ANK2: variants seen among roughly 807,000 people sequenced by gnomAD.
ANK2 encodes ankyrin 2.
ANK2 carries 83 observed loss-of-function variants against 360.5 expected under a neutral mutation model. The ratio of observed to expected loss-of-function variants is 0.23; its 90% confidence interval spans 0.19 to 0.28. The LOEUF (loss-of-function observed/expected upper bound fraction) is 0.28, where lower values mean the gene tolerates loss of function less well. ANK2 is among the 10% of genes least tolerant of loss of function. The pLI is 1.00. For missense variants in ANK2, 4,201 were observed against 4,795.7 expected (o/e 0.88, Z 3.66); for synonymous variants, 1,740 against 1,759.5 (o/e 0.99, Z 0.28).
chr4:113,069,061 AAGAAAAGAAAAGAAG>A (rs955305199), intron 1 of ANK2, among the ~76,000 whole-genome samples: 1 of 150,976 alleles, frequency 6.6e-6, no homozygotes, highest in African/African-American at 2.5e-5. Flanking sequence ...GTCTAATGAA[AAGAAAAGAAAAGAAG>A]AGAAAAGAAA....
chr4:112,890,723 A>C (rs2079782705), intron 1 of ANK2, among the ~76,000 whole-genome samples: 1 of 151,976 alleles, frequency 6.6e-6, no homozygotes, highest in African/African-American at 2.4e-5. Context: ...ATGTGCCACC[A>C]TGCCAGGCTA....
the ANK2 span, chr4:112,788,478 G>A: frequency 3.8e-6 from 6 of 1,597,342 alleles, no homozygotes; most frequent in South Asian, 5.6e-5. Context: ...CCTGCTCAAA[G>A]GACAGGTGGT....
At position 113,343,004 on chromosome 4, in the gene ANK2, T is replaced by C. The variant is rs759465783; in HGVS notation, c.4123-13T>C. 5.9e-5 allele frequency: 96 copies of C among 1,613,678 alleles called. No homozygotes were observed. In the Admixed American group the frequency reaches 1.5e-3, roughly 26 times the overall value. ...CAGCTACTTTATTGTTATTTCTCTC[T>C]GTTTTCACTCAGGTGTTAGAAGGAA... On this transcript the variant is annotated splice_polypyrimidine_tract_variant and intron_variant, in intron 33 of 45. Transcript: ENST00000357077.
chr4:112,957,797 AC>A (rs1369051816), intron 2 of ANK2, among the ~76,000 whole-genome samples: 6 of 149,036 alleles, frequency 4.0e-5, no homozygotes, highest in Non-Finnish European at 8.9e-5. Context: ...CACTTCTCAG[AC>A]GGGGCGGCTG....
rs1228751865 is a variant in ANK2 at position 112,955,261 on chromosome 4, AAAT to A, written c.21+50753_21+50755del. On this transcript the variant is annotated intron_variant, in intron 2 of 30. Transcript: ENST00000503271. The stretch of plus-strand genomic sequence containing the variant: ...ATTACTTTTATAATAAAAATATGAA[AAAT>A]AATAAGTGACATTGCAGACCAAAAA... Among the ~76,000 whole-genome samples the A allele has an allele frequency of 2.0e-5, 3 of 152,156 alleles. No individual in the cohort carries two copies. In the East Asian group the frequency reaches 5.8e-4, roughly 29 times the overall value.
At position 113,268,526 on chromosome 4, in the gene ANK2, T is replaced by C. The variant is rs1025891580; in HGVS notation, c.1485+3531T>C. On this transcript the variant is annotated intron_variant, in intron 14 of 45. Coordinates refer to ENST00000357077, the MANE Select transcript of ANK2 (RefSeq NM_001148.6). The stretch of plus-strand genomic sequence containing the variant: ...ATTATCGTGTAGTTTTTGTCATTGG[T>C]TCTGTTTATGTGATGGGTTACATTT... Among the ~76,000 whole-genome samples the C allele has an allele frequency of 6.6e-5, 10 of 151,288 alleles. No individual in the cohort carries two copies. In the South Asian group the frequency reaches 2.1e-3, roughly 31 times the overall value.
Position 113,049,759 on chromosome 4 carries a change from G to A in ANK2, c.31G>A (p.Asp11Asn). Residue 11 changes from aspartate (D) to asparagine (N), a missense_variant, in exon 1 of 46, where the codon GAC becomes AAC. Physicochemically the swap from Asp to Asn is conservative, Grantham distance 23. Coordinates refer to ENST00000357077, the MANE Select transcript of ANK2 (RefSeq NM_001148.6). MMNEDAAQKSDSGEKFNGSSQ... is the reference protein window; with the variant it reads MMNEDAAQKSNSGEKFNGSSQ... ...GAACGAAGATGCAGCTCAGAAAAGC[G>A]ACAGTGGAGAGAAGTTCAACGGCAG... is the stretch of plus-strand genomic sequence containing the variant. 2 of 1,613,758 alleles carry A rather than the reference G, an allele frequency of 1.2e-6. No homozygotes were observed. Among genetic ancestry groups the A allele is most frequent in the Non-Finnish European group, 1.7e-6 (2 of 1,179,804 alleles).
chr4:113,357,866 C>G lies in ANK2; in HGVS notation c.9248C>G (p.Thr3083Ser). 1 of 1,614,096 alleles carries G rather than the reference C, an allele frequency of 6.2e-7. No homozygotes were observed. Among genetic ancestry groups the G allele is most frequent in the South Asian group, 1.1e-5 (1 of 91,086 alleles). The change falls in exon 38 of 46, where the codon ACT becomes AGT. Residue 3083 changes from threonine to serine, a missense_variant. Thr to Ser is a moderately conservative substitution (Grantham distance 58). Coordinates refer to ENST00000357077, the MANE Select transcript of ANK2 (RefSeq NM_001148.6). ...RQSQGTTPDT[T>S]PARTPTEEGT... ...TCACAGGGTACCACCCCTGACACCA[C>G]TCCTGCTAGGACCCCAACTGAAGAG...
At chr4:113,370,578 T>G (rs113678698) in intron 43 of ANK2, among the ~76,000 whole-genome samples, 1,989 of 152,050 alleles carry the variant, frequency 0.013, 50 homozygotes, top group African/African-American at 0.046. Flanking sequence ...GCTAACATGG[T>G]GAAACCTCGT....
At chr4:113,154,453 C>G (rs2097205508) in intron 1 of ANK2, among the ~76,000 whole-genome samples, 1 of 152,110 alleles carries the variant, frequency 6.6e-6, no homozygotes, top group Non-Finnish European at 1.5e-5. Flanking sequence ...CTGATCCTTC[C>G]TTGGAATTGA....
At chr4:113,320,779 T>G (rs2085760865) in intron 26 of ANK2, among the ~76,000 whole-genome samples, 1 of 152,228 alleles carries the variant, frequency 6.6e-6, no homozygotes, top group Non-Finnish European at 1.5e-5. Flanking sequence ...ATATATAAAC[T>G]GTTAGGAAAA....
chr4:112,865,013 CAG>C (rs1396407505), intron 1 of ANK2, among the ~76,000 whole-genome samples: 2 of 112,384 alleles, frequency 1.8e-5, no homozygotes, highest in African/African-American at 6.9e-5. Flanking sequence ...GCCTGGGCGA[CAG>C]AGCGAGACTC....
intron 1 of ANK2, among the ~76,000 whole-genome samples, chr4:112,831,409 A>G (rs1352290922): frequency 1.3e-5 from 2 of 152,206 alleles, no homozygotes. Flanking sequence ...GGGGACTTGG[A>G]GAACTTTTGT....
At chr4:113,283,879 G>A (rs553695762) in intron 18 of ANK2, among the ~76,000 whole-genome samples, 4 of 152,162 alleles carry the variant, frequency 2.6e-5, no homozygotes, top group Non-Finnish European at 5.9e-5. Flanking sequence ...TACTTTTAAA[G>A]TATCAGTGAT....
chr4:113,111,745 G>T (rs2154366031), intron 1 of ANK2, among the ~76,000 whole-genome samples: 1 of 152,272 alleles, frequency 6.6e-6, no homozygotes, highest in Non-Finnish European at 1.5e-5. Flanking sequence ...TCATTTATGA[G>T]AAGAAAGCAG....
intron 41 of ANK2, 113 bp from the exon 42 acceptor site, chr4:113,367,453 G>A (rs968162030): frequency 1.0e-6 from 1 of 985,928 alleles, no homozygotes; most frequent in Non-Finnish European, 1.5e-6. Context: ...CCCATCTCAG[G>A]ATGTAGCACA....
chr4:112,804,060 C>A, the ANK2 span, among the ~76,000 whole-genome samples: 1 of 151,508 alleles, frequency 6.6e-6, no homozygotes, highest in African/African-American at 2.4e-5. Flanking sequence ...GCTCTGTCAC[C>A]CAGGCTGGAG....
At position 113,355,619 on chromosome 4, in the gene ANK2, C is replaced by G; in HGVS notation, c.7001C>G (p.Ala2334Gly). 2.5e-6 allele frequency: 4 copies of G among 1,614,044 alleles called. No homozygotes were observed. Among genetic ancestry groups the G allele is most frequent in the Non-Finnish European group, 3.4e-6 (4 of 1,179,968 alleles). The change falls in exon 38 of 46, where the codon GCA (alanine) becomes GGA (glycine). Residue 2334 changes from alanine (A) to glycine (G), a missense_variant. Physicochemically the swap from Ala to Gly is moderately conservative, Grantham distance 60. Around this residue, in one of 4 missense-constraint regions of ANK2, gnomAD observed 2,642 missense variants for 2,714.5 expected, o/e 0.97. Coordinates refer to ENST00000357077, the MANE Select transcript of ANK2 (RefSeq NM_001148.6). ...GATTGCACAGGCAGCTGTAGTGTAG[C>G]ATTAGCTAAAGAGACACCTACAGGA... Reference protein sequence around the residue: ...QDDCTGSCSVALAKETPTGLT... With the variant: ...QDDCTGSCSVGLAKETPTGLT...
the ANK2 span, among the ~76,000 whole-genome samples, chr4:112,770,907 A>G: frequency 6.6e-6 from 1 of 152,076 alleles, no homozygotes; most frequent in Non-Finnish European, 1.5e-5. Context: ...TTATTTATGA[A>G]TACAGTCCTA....
Sources: gnomAD v4.1 joint callset for allele counts (sites outside exome capture counted in the v4.1 genomes callset) on GRCh38, gnomAD v4.1.1 for gene constraint, gnomAD v4.1.1 regional missense constraint, MANE v1.5 for transcripts, NCBI Gene and HGNC (gene_info 2026-07-23, HGNC 2026-07-21) for gene names.